ABTB3: variants seen among roughly 807,000 people sequenced by gnomAD.
ABTB3 encodes ankyrin repeat and BTB domain containing 3, also known as ankyrin repeat- and BTB/POZ domain-containing protein 3.
At chr12:107,361,190 A>G in the ABTB3 span, among the ~76,000 whole-genome samples, 1 of 152,218 alleles carries the variant, frequency 6.6e-6, no homozygotes, top group African/African-American at 2.4e-5. Context: ...ATGAAAGGAA[A>G]AAATGTAACT....
At chr12:107,546,593 C>T in the ABTB3 span, among the ~76,000 whole-genome samples, 4 of 152,332 alleles carry the variant, frequency 2.6e-5, no homozygotes, top group East Asian at 7.7e-4. Flanking sequence ...GGTATCCTTG[C>T]ATGTGAGCTT....
the ABTB3 span, among the ~76,000 whole-genome samples, chr12:107,530,310 T>A: frequency 1.3e-5 from 2 of 152,192 alleles, no homozygotes; most frequent in Non-Finnish European, 2.9e-5. Context: ...TTTGAGCTTT[T>A]TAATGGAAGT....
chr12:107,391,377 G>A, the ABTB3 span, among the ~76,000 whole-genome samples: 13 of 152,186 alleles, frequency 8.5e-5, no homozygotes, highest in Non-Finnish European at 1.8e-4. Context: ...ACCACCTCTT[G>A]TAAGGGAGGC....
chr12:107,420,911 AG>A, the ABTB3 span, among the ~76,000 whole-genome samples: 5 of 152,176 alleles, frequency 3.3e-5, no homozygotes, highest in Non-Finnish European at 7.4e-5. Context: ...CCCTAAATGT[AG>A]GTATTTTCCA....
the ABTB3 span, among the ~76,000 whole-genome samples, chr12:107,480,553 C>G: frequency 1.3e-5 from 2 of 152,302 alleles, no homozygotes; most frequent in East Asian, 3.9e-4. Flanking sequence ...GATCTTCTGA[C>G]TCTAAATTCT....
chr12:107,331,893 G>GCCCTCCCCCCCGCCCCACCTCT, the ABTB3 span, among the ~76,000 whole-genome samples: 1 of 148,812 alleles, frequency 6.7e-6, no homozygotes, highest in Admixed American at 6.7e-5. Flanking sequence ...CCTCCCCCCC[G>GCCCTCCCCCCCGCCCCACCTCT]CCCCACCTCT....
At chr12:107,493,571 T>C in the ABTB3 span, among the ~76,000 whole-genome samples, 2 of 152,146 alleles carry the variant, frequency 1.3e-5, no homozygotes, top group Non-Finnish European at 2.9e-5. Flanking sequence ...GTAGGTGCTA[T>C]TGTTTGAATT....
the ABTB3 span, among the ~76,000 whole-genome samples, chr12:107,392,256 C>T: frequency 0.28 from 43,267 of 152,060 alleles, 6,379 homozygotes; most frequent in Admixed American, 0.35. Context: ...TCCCTGCTCT[C>T]CCAGCCTGCC....
chr12:107,651,427 G>C, the ABTB3 span, among the ~76,000 whole-genome samples: 1 of 152,156 alleles, frequency 6.6e-6, no homozygotes. Flanking sequence ...ACCGCCTGCT[G>C]TGATGGGTAT....
the ABTB3 span, among the ~76,000 whole-genome samples, chr12:107,495,691 T>G: frequency 6.6e-6 from 1 of 152,156 alleles, no homozygotes; most frequent in Non-Finnish European, 1.5e-5. Context: ...CAGCTGGTAT[T>G]GCCTCTTGGG....
the ABTB3 span, among the ~76,000 whole-genome samples, chr12:107,383,650 C>A: frequency 6.6e-6 from 1 of 152,212 alleles, no homozygotes; most frequent in Non-Finnish European, 1.5e-5. Flanking sequence ...TGTTCTCTGC[C>A]TACCTTTCAG....
chr12:107,404,460 C>G, the ABTB3 span, among the ~76,000 whole-genome samples: 1 of 152,144 alleles, frequency 6.6e-6, no homozygotes, highest in Non-Finnish European at 1.5e-5. Flanking sequence ...GCTGGGCCAT[C>G]TCTGCATTAC....
the ABTB3 span, among the ~76,000 whole-genome samples, chr12:107,394,022 G>A: frequency 6.6e-6 from 1 of 152,208 alleles, no homozygotes; most frequent in African/African-American, 2.4e-5. Context: ...GCAGTGCCTG[G>A]GTTCCCACCC....
the ABTB3 span, among the ~76,000 whole-genome samples, chr12:107,583,698 G>T: frequency 7.9e-5 from 12 of 152,190 alleles, no homozygotes; most frequent in African/African-American, 2.7e-4. Flanking sequence ...GACCAAGTGT[G>T]TGTCATTCTG....
chr12:107,421,914 C>T, the ABTB3 span, among the ~76,000 whole-genome samples: 7 of 152,106 alleles, frequency 4.6e-5, no homozygotes, highest in Non-Finnish European at 7.3e-5. Flanking sequence ...ATGGTGTGCC[C>T]GGCACTCTTC....
At chr12:107,482,920 CTTT>C in the ABTB3 span, among the ~76,000 whole-genome samples, 1 of 35,636 alleles carries the variant, frequency 2.8e-5, no homozygotes, top group African/African-American at 1.7e-4. Flanking sequence ...CTTCTTCTTT[CTTT>C]CTTTCTTTCT....
the ABTB3 span, among the ~76,000 whole-genome samples, chr12:107,385,911 C>A: frequency 6.6e-6 from 1 of 152,182 alleles, no homozygotes; most frequent in Non-Finnish European, 1.5e-5. Context: ...CCACAGCAGG[C>A]CTGGGAAAGG....
chr12:107,656,672 A>T, the ABTB3 span, among the ~76,000 whole-genome samples: 1 of 152,232 alleles, frequency 6.6e-6, no homozygotes, highest in African/African-American at 2.4e-5. Flanking sequence ...AATATTATCA[A>T]TGTAGCTATA....
At chr12:107,470,477 G>A in the ABTB3 span, among the ~76,000 whole-genome samples, 2 of 152,178 alleles carry the variant, frequency 1.3e-5, no homozygotes, top group East Asian at 1.9e-4. Context: ...ACCTTCACTC[G>A]GGCCCAGTGT....
Sources: gnomAD v4.1 joint callset for allele counts (sites outside exome capture counted in the v4.1 genomes callset) on GRCh38, gnomAD v4.1.1 for gene constraint, MANE v1.5 for transcripts, NCBI Gene and HGNC (gene_info 2026-07-23, HGNC 2026-07-21) for gene names.